The following KLHL35 variants were observed in gnomAD, a reference collection of about 807,000 sequenced individuals.
KLHL35 encodes the protein kelch-like protein 35.
In KLHL35, 50 loss-of-function variants were observed where a neutral mutation model predicts 44.0. The observed-to-expected ratio is 1.14, with a 90% CI of 0.91 to 1.44. The LOEUF (loss-of-function observed/expected upper bound fraction) is 1.44, where lower values mean the gene tolerates loss of function less well. Ranked by LOEUF, KLHL35 falls within the 40% of genes most tolerant of loss-of-function variation. The pLI, the probability that KLHL35 is intolerant of heterozygous loss-of-function variation, is 0.00. For missense variants in KLHL35, 1,049 were observed against 887.8 expected, an observed-to-expected ratio of 1.18 and a Z score of -2.31; for synonymous variants, 470 against 410.4, an observed-to-expected ratio of 1.15 and a Z score of -1.76.
chr11:75,428,592 C>G lies in KLHL35; in HGVS notation c.916G>C (p.Gly306Arg), dbSNP rs781682852. The part of the protein sequence containing the change: ...MDLAEVIVVI[G>R]GCDRKGLLKL... Reference sequence around the variant, plus strand: ...AGGAGACCTTTGCGGTCGCAACCGCCGATGACCACGATCACTTCAGCTAGG... The same window carrying G: ...AGGAGACCTTTGCGGTCGCAACCGCGGATGACCACGATCACTTCAGCTAGG... Residue 306 changes from glycine to arginine, a missense_variant, in exon 3 of 7, where the codon GGC becomes CGC. By Grantham distance (125) the Gly-to-Arg change is moderately radical (BLOSUM62 -2). Coordinates refer to ENST00000539798, the MANE Select transcript of KLHL35 (RefSeq NM_001039548.3). 1.9e-6 allele frequency: 3 copies of G among 1,604,384 alleles called. No individual in the cohort carries two copies. The highest frequency in any genetic ancestry group is 1.7e-5 in the Admixed American group (1 of 59,534).
rs1948469068 is a variant in KLHL35 at position 75,423,746 on chromosome 11, G to A, written c.1509C>T (p.Thr503=). Reference sequence around the variant, plus strand: ...CCCACACATCTGTGCCTGGATCATAGGTGAAGATTTTGCTCATGAGACCCC... The same window carrying A: ...CCCACACATCTGTGCCTGGATCATAAGTGAAGATTTTGCTCATGAGACCCC... ...VMGGLMSKIF[T]YDPGTDVWGE... Residue 503 remains threonine, a synonymous_variant, in exon 6 of 7, where the codon ACC becomes ACT. Transcript: ENST00000539798. 1 of 1,613,914 alleles carries A rather than the reference G, an allele frequency of 6.2e-7. No homozygotes were observed. The highest frequency in any genetic ancestry group is 8.5e-7 in the Non-Finnish European group (1 of 1,179,870).
rs1189101692 is a variant in KLHL35, at chr11:75,430,608, C to G, written c.22G>C (p.Glu8Gln). ...GCTTCGCAGCCCGGCTCCGACTCCT[C>G]CGGCGCATGGCCTTGCCGCATCCTG... is the stretch of plus-strand genomic sequence containing the variant. MRQGHAPEESEPGCEAPC... is the reference protein window; with the variant it reads MRQGHAPQESEPGCEAPC... Residue 8 changes from glutamate (E) to glutamine (Q), a missense_variant, in exon 2 of 7, where the codon GAG (glutamate) becomes CAG (glutamine). Transcript: ENST00000539798. 4 of 1,410,348 alleles carry G rather than the reference C, an allele frequency of 2.8e-6. No homozygotes were observed. The African/African-American group carries it at 6.0e-5, about 21-fold the overall frequency. The allele number at this position is 1,410,348 out of a possible 1,614,324, so 87.4% of individuals were successfully genotyped here.
intron 1 of KLHL35, 73 bp from the exon 2 acceptor site, chr11:75,430,703 C>T: frequency 8.3e-7 from 1 of 1,208,142 alleles, no homozygotes; most frequent in Non-Finnish European, 1.1e-6. Context: ...CAGCCCTCAT[C>T]CGTTTATTTC....
chr11:75,426,914 T>C, intron 3 of KLHL35: 2 of 322,898 alleles, frequency 6.2e-6, no homozygotes, highest in Non-Finnish European at 1.2e-5. Flanking sequence ...GGTGGTGGTG[T>C]GCCAGGCTCT....
rs1173442213 is a variant in KLHL35 at position 75,430,433 on chromosome 11, A to G, written c.197T>C (p.Phe66Ser). The G allele has an allele frequency of 5.0e-6, 7 of 1,394,900 alleles. No homozygotes were observed. Among genetic ancestry groups the G allele is most frequent in the Non-Finnish European group, 5.6e-6 (6 of 1,075,300 alleles). The allele number at this position is 1,394,900 out of a possible 1,614,324, so 86.4% of individuals were successfully genotyped here. Residue 66 changes from phenylalanine (F) to serine (S), a missense_variant, in exon 2 of 7, where the codon TTC becomes TCC. By Grantham distance (155) the Phe-to-Ser change is radical. Coordinates refer to ENST00000539798, the MANE Select transcript of KLHL35 (RefSeq NM_001039548.3). Reference sequence around the variant, plus strand: ...CCGCCCGGCCGCGAACAAGCTGCGGAAGTAGGCGCTGCCCGCGCTGAGCGC... The same window carrying G: ...CCGCCCGGCCGCGAACAAGCTGCGGGAGTAGGCGCTGCCCGCGCTGAGCGC... The part of the protein sequence containing the change: ...RAALSAGSAY[F>S]RSLFAAGRPE...
intron 3 of KLHL35, among the ~76,000 whole-genome samples, chr11:75,427,824 A>G (rs185892681): frequency 6.6e-6 from 1 of 152,274 alleles, no homozygotes; most frequent in East Asian, 1.9e-4. Flanking sequence ...CATCTCTTCT[A>G]TGAACCCTGG....
At chr11:75,430,972 G>T (rs530021395) in intron 1 of KLHL35, among the ~76,000 whole-genome samples, 1 of 152,256 alleles carries the variant, frequency 6.6e-6, no homozygotes, top group African/African-American at 2.4e-5. Flanking sequence ...GTAGGCGTTA[G>T]GGACTCCAGT....
chr11:75,429,998 GCC>G lies in KLHL35; in HGVS notation c.630_631del (p.Glu213GlyfsTer5), dbSNP rs2135084516. ...CGCTTCAAACACGGCCTCCTCGCGCGCCACGCCCAGCGCGGGGTCCGCCAGCA... is the reference window on the plus strand; with the variant it reads ...CGCTTCAAACACGGCCTCCTCGCGCGACGCCCAGCGCGGGGTCCGCCAGCA... On this transcript the variant is annotated frameshift_variant, in exon 2 of 7. Transcript: ENST00000539798. LOFTEE classifies it high-confidence loss of function. 5 of 1,415,988 alleles carry G rather than the reference GCC, an allele frequency of 3.5e-6. No homozygotes were observed. Among genetic ancestry groups the G allele is most frequent in the Non-Finnish European group, 4.6e-6 (5 of 1,089,174 alleles). The allele number at this position is 1,415,988 out of a possible 1,614,324, so 87.7% of individuals were successfully genotyped here. A position where few individuals can be genotyped will look rare whatever the true frequency, so the allele number is the denominator to read the frequency against.
At chr11:75,424,239 C>T (rs899879545) in intron 5 of KLHL35, 13 of 241,886 alleles carry the variant, frequency 5.4e-5, no homozygotes, top group Admixed American at 3.5e-4. Context: ...TGATGGAGAA[C>T]ACAGTCGCCT....
At chr11:75,423,147 G>C in intron 6 of KLHL35, 2 of 217,970 alleles carry the variant, frequency 9.2e-6, no homozygotes, top group Non-Finnish European at 1.8e-5. Flanking sequence ...TAGAATCTCA[G>C]ACTCAAGCCA....
In KLHL35 at chr11:75,423,916, G is replaced by GC. The variant is rs200478992; in HGVS notation, c.1375-37dup. 3,367 of 1,481,126 alleles carry GC rather than the reference G, an allele frequency of 2.3e-3. 34 individuals carry two copies. The African/African-American group carries it at 0.028, about 12-fold the overall frequency. 91.7% of individuals were successfully genotyped at this position (1,481,126 alleles called of 1,614,324 possible). A position where few individuals can be genotyped will look rare whatever the true frequency, so the allele number is the denominator to read the frequency against. The stretch of plus-strand genomic sequence containing the variant: ...AGAGCAGCAGTGGTGAAGACTCACC[G>GC]CCCCCCCCAACAAATGCCCCACCGC... On this transcript the variant is annotated intron_variant, in intron 5 of 6. Coordinates refer to ENST00000539798, the MANE Select transcript of KLHL35 (RefSeq NM_001039548.3).
In KLHL35 at chr11:75,430,596, G is replaced by C; in HGVS notation, c.34C>G (p.Pro12Ala). 7.0e-7 allele frequency: 1 copy of C among 1,420,980 alleles called. No homozygotes were observed. The highest frequency in any genetic ancestry group is 3.0e-5 in the East Asian group (1 of 33,072). 88.0% of individuals were successfully genotyped at this position (1,420,980 alleles called of 1,614,324 possible). A position where few individuals can be genotyped will look rare whatever the true frequency, so the allele number is the denominator to read the frequency against. Residue 12 changes from proline (P) to alanine (A), a missense_variant, in exon 2 of 7, where the codon CCG (proline) becomes GCG (alanine). By Grantham distance (27) the Pro-to-Ala change is conservative. Transcript: ENST00000539798. ...RQGHAPEESEPGCEAPCAGPC... is the reference protein window; with the variant it reads ...RQGHAPEESEAGCEAPCAGPC... Reference sequence around the variant, plus strand: ...CCCGCGCACGGCGCTTCGCAGCCCGGCTCCGACTCCTCCGGCGCATGGCCT... The same window carrying C: ...CCCGCGCACGGCGCTTCGCAGCCCGCCTCCGACTCCTCCGGCGCATGGCCT...
At chr11:75,430,972 G>A (rs530021395) in intron 1 of KLHL35, among the ~76,000 whole-genome samples, 1 of 152,374 alleles carries the variant, frequency 6.6e-6, no homozygotes, top group South Asian at 2.1e-4. Flanking sequence ...GTAGGCGTTA[G>A]GGACTCCAGT....
At position 75,430,234 on chromosome 11, in the gene KLHL35, C is replaced by G. The variant is rs1948524418; in HGVS notation, c.396G>C (p.Arg132=). ...CCTCGCGCAGGCCCGCCACGCCCAG[C>G]CGCTCCGCCAGCGCCAGCACGGCCG... ...EAAAVLALAE[R]LGVAGLREAC... The change falls in exon 2 of 7, where the codon CGG becomes CGC. Residue 132 remains arginine, a synonymous_variant. Coordinates refer to ENST00000539798, the MANE Select transcript of KLHL35 (RefSeq NM_001039548.3). The G allele has an allele frequency of 5.7e-6, 7 of 1,218,446 alleles. No homozygotes were observed. The highest frequency in any genetic ancestry group is 1.0e-6 in the Non-Finnish European group (1 of 976,176). The allele number at this position is 1,218,446 out of a possible 1,614,324, so 75.5% of individuals were successfully genotyped here. A position where few individuals can be genotyped will look rare whatever the true frequency, so the allele number is the denominator to read the frequency against.
intron 4 of KLHL35, 154 bp downstream of exon 4, chr11:75,426,366 G>A: frequency 1.8e-6 from 1 of 557,578 alleles, no homozygotes; most frequent in East Asian, 2.9e-5. Context: ...ATTATTATTA[G>A]CATCAGCCAT....
At chr11:75,431,012 C>G (rs1306566289) in intron 1 of KLHL35, among the ~76,000 whole-genome samples, 1 of 152,192 alleles carries the variant, frequency 6.6e-6, no homozygotes, top group African/African-American at 2.4e-5. Context: ...AGGATACTAA[C>G]AGCAGGGCGC....
At chr11:75,426,320 C>A in intron 4 of KLHL35, 200 bp downstream of exon 4, 1 of 478,604 alleles carries the variant, frequency 2.1e-6, no homozygotes, top group East Asian at 3.4e-5. Flanking sequence ...AGCCCATACC[C>A]TTGACCATCA....
chr11:75,424,871 A>G (rs1457462903), intron 5 of KLHL35: 1 of 152,886 alleles, frequency 6.5e-6, no homozygotes, highest in African/African-American at 2.4e-5. Context: ...TGATGGCTGT[A>G]AAGTTGATAA....
chr11:75,429,480 C>T (rs775149773), intron 2 of KLHL35, among the ~76,000 whole-genome samples: 2 of 152,214 alleles, frequency 1.3e-5, no homozygotes, highest in Non-Finnish European at 2.9e-5. Context: ...CATCCCGGCA[C>T]CCTGCACAGA....
Sources: gnomAD v4.1 joint callset for allele counts (sites outside exome capture counted in the v4.1 genomes callset) on GRCh38, gnomAD v4.1.1 for gene constraint, MANE v1.5 for transcripts, NCBI Gene and HGNC (gene_info 2026-07-23, HGNC 2026-07-21) for gene names.